Variants in CPA6 observed in about 807,000 individuals in gnomAD.
CPA6 encodes the protein carboxypeptidase B.
CPA6 carries 58 observed loss-of-function variants against 63.3 expected under a neutral mutation model. That is an observed-to-expected ratio of 0.92 (90% CI 0.74 to 1.14). CPA6 has a LOEUF of 1.14. Ranked by LOEUF, CPA6 falls within the 50% of genes most tolerant of loss-of-function variation. The pLI is 0.00. For synonymous variants in CPA6, 185 were observed against 179.0 expected, an observed-to-expected ratio of 1.03 and a Z score of -0.27; for missense variants, 565 against 526.6, an observed-to-expected ratio of 1.07 and a Z score of -0.71.
intron 8 of CPA6, among the ~76,000 whole-genome samples, chr8:67,482,108 C>G (rs1421561715): frequency 6.6e-6 from 1 of 152,210 alleles, no homozygotes. Flanking sequence ...ATGAAGGAAG[C>G]AAGCTGGGTA....
chr8:67,461,811 C>T (rs1290088830), intron 8 of CPA6, among the ~76,000 whole-genome samples: 2 of 152,078 alleles, frequency 1.3e-5, no homozygotes, highest in Non-Finnish European at 2.9e-5. Flanking sequence ...GCTGGCCGGG[C>T]GGGGGGCTGA....
At chr8:67,701,973 G>T (rs1817033896) in intron 1 of CPA6, among the ~76,000 whole-genome samples, 1 of 152,168 alleles carries the variant, frequency 6.6e-6, no homozygotes, top group South Asian at 2.1e-4. Context: ...GGTTTGGGAA[G>T]ATTGTGCGTG....
chr8:67,654,226 G>C (rs1043574559), intron 1 of CPA6, among the ~76,000 whole-genome samples: 6 of 152,158 alleles, frequency 3.9e-5, no homozygotes, highest in African/African-American at 1.4e-4. Context: ...GTCTCTGCCA[G>C]GCTTTGGTAT....
At chr8:67,666,691 TG>T (rs1477468601) in intron 1 of CPA6, among the ~76,000 whole-genome samples, 1 of 151,864 alleles carries the variant, frequency 6.6e-6, no homozygotes, top group Non-Finnish European at 1.5e-5. Flanking sequence ...AGGGGCTGCT[TG>T]GGGGTGTGAC....
chr8:67,550,882 G>T (rs547769687), intron 2 of CPA6, among the ~76,000 whole-genome samples: 2 of 152,118 alleles, frequency 1.3e-5, no homozygotes, highest in East Asian at 3.9e-4. Flanking sequence ...TTTTAATGGG[G>T]TTATTTGTTT....
At chr8:67,648,258 GTTTTT>G (rs4009129) in intron 1 of CPA6, among the ~76,000 whole-genome samples, 2 of 113,904 alleles carry the variant, frequency 1.8e-5, no homozygotes, top group African/African-American at 3.4e-5. Context: ...CCTAGATTAG[GTTTTT>G]TTTTTTTTTT....
intron 1 of CPA6, among the ~76,000 whole-genome samples, chr8:67,625,446 T>C (rs1312697078): frequency 6.6e-6 from 1 of 152,200 alleles, no homozygotes; most frequent in Non-Finnish European, 1.5e-5. Flanking sequence ...TTTGGGGGCC[T>C]TGTCTCCCAG....
intron 1 of CPA6, among the ~76,000 whole-genome samples, chr8:67,647,952 A>G (rs1225525447): frequency 1.3e-5 from 2 of 152,188 alleles, no homozygotes; most frequent in Non-Finnish European, 2.9e-5. Context: ...AAGCATCTGT[A>G]TCCCACTGGG....
chr8:67,728,059 C>T (rs945488530), intron 1 of CPA6, among the ~76,000 whole-genome samples: 7 of 143,656 alleles, frequency 4.9e-5, no homozygotes, highest in South Asian at 2.2e-4. Flanking sequence ...GCCTGGGCGA[C>T]GGAGTGAGAC....
Position 67,644,556 on chromosome 8 carries a change from T to TA in CPA6, c.117-20306_117-20305insT, listed in dbSNP as rs531048392. Among the ~76,000 whole-genome samples, 723 of 152,340 alleles carry TA rather than the reference T, an allele frequency of 4.7e-3. 2 individuals are homozygous for TA. Among genetic ancestry groups the TA allele is most frequent in the Non-Finnish European group, 6.4e-3 (435 of 68,030 alleles). ...TGAATAGAGGCAAATTCCAGACTTTTTGCACAGGCAGAGCTCTTACAAGCA... is the reference window on the plus strand; with the variant it reads ...TGAATAGAGGCAAATTCCAGACTTTTATGCACAGGCAGAGCTCTTACAAGCA... On this transcript the variant is annotated intron_variant, in intron 1 of 10. Coordinates refer to ENST00000297770, the MANE Select transcript of CPA6 (RefSeq NM_020361.5).
intron 6 of CPA6, among the ~76,000 whole-genome samples, chr8:67,488,726 C>T (rs1298349659): frequency 2.6e-5 from 4 of 152,246 alleles, no homozygotes; most frequent in Admixed American, 6.5e-5. Flanking sequence ...TCTTTTATTT[C>T]GTTGAGCGGT....
Position 67,478,404 on chromosome 8 carries a change from GT to G in CPA6, c.838+5363del, listed in dbSNP as rs1811288337. ...GTAGCAGATCGAATTGAAAGAGGGGGTCTTGGGAACCCTGATTTATAGCCAG... is the reference window on the plus strand; with the variant it reads ...GTAGCAGATCGAATTGAAAGAGGGGGCTTGGGAACCCTGATTTATAGCCAG... On this transcript the variant is annotated intron_variant, in intron 8 of 10. Transcript: ENST00000297770. Among the ~76,000 whole-genome samples the G allele has an allele frequency of 3.3e-5, 5 of 152,268 alleles. No individual in the cohort carries two copies. In the South Asian group the frequency reaches 1.0e-3, roughly 32 times the overall value.
intron 8 of CPA6, among the ~76,000 whole-genome samples, chr8:67,476,993 T>C (rs1197020753): frequency 1.3e-5 from 2 of 152,054 alleles, no homozygotes; most frequent in Admixed American, 6.6e-5. Context: ...ACTTCCTTTA[T>C]AAAAAGCATA....
intron 1 of CPA6, among the ~76,000 whole-genome samples, chr8:67,720,052 T>C (rs1817463161): frequency 6.6e-6 from 1 of 151,412 alleles, no homozygotes; most frequent in Admixed American, 6.6e-5. Flanking sequence ...GTGGGCTGAG[T>C]CCGAAAAGAG....
intron 3 of CPA6, among the ~76,000 whole-genome samples, chr8:67,516,764 T>C (rs953792939): frequency 6.6e-6 from 1 of 152,158 alleles, no homozygotes; most frequent in East Asian, 1.9e-4. Flanking sequence ...CTTTTCTTTT[T>C]CAGCTCCTCT....
intron 1 of CPA6, among the ~76,000 whole-genome samples, chr8:67,712,020 C>T (rs1050375057): frequency 8.5e-5 from 13 of 152,158 alleles, no homozygotes; most frequent in African/African-American, 1.4e-4. Context: ...TGCCCCCTCC[C>T]GCTATCTCCC....
At chr8:67,543,518 A>G (rs1812749224) in intron 2 of CPA6, among the ~76,000 whole-genome samples, 1 of 152,222 alleles carries the variant, frequency 6.6e-6, no homozygotes, top group Non-Finnish European at 1.5e-5. Flanking sequence ...CAGAAACTAC[A>G]CAAAAATAGC....
intron 1 of CPA6, among the ~76,000 whole-genome samples, chr8:67,644,127 T>A (rs1046939959): frequency 1.3e-5 from 2 of 151,856 alleles, no homozygotes; most frequent in Non-Finnish European, 2.9e-5. Flanking sequence ...GTCTTATTTT[T>A]TTTTTTTTTG....
chr8:67,422,252 A>G lies in CPA6; in HGVS notation c.*252T>C, dbSNP rs1175483688. ...CTTGAGAAATGGGAAATTTGAAAAC[A>G]TTCCCTCCCACCATAATCAAATAAG... On this transcript the variant is annotated 3_prime_UTR_variant, in exon 11 of 11. Coordinates refer to ENST00000297770, the MANE Select transcript of CPA6 (RefSeq NM_020361.5). 4 of 338,406 alleles carry G rather than the reference A, an allele frequency of 1.2e-5. No homozygotes were observed. The highest frequency in any genetic ancestry group is 2.1e-5 in the Non-Finnish European group (4 of 188,048). 21.0% of individuals were successfully genotyped at this position (338,406 alleles called of 1,614,324 possible).
Sources: allele counts gnomAD v4.1 joint callset (sites outside exome capture counted in the v4.1 genomes callset), GRCh38; gene constraint gnomAD v4.1.1; transcripts MANE v1.5; gene names NCBI Gene and HGNC (gene_info 2026-07-23, HGNC 2026-07-21).